The following RTL4 variants were observed in gnomAD, a reference collection of about 807,000 sequenced individuals.
RTL4 encodes retrotransposon Gag like 4.
A neutral mutation model predicts 5.3 loss-of-function variants in RTL4; 4 were observed. That is an observed-to-expected ratio of 0.75 (90% CI 0.37 to 1.72). RTL4 has a LOEUF of 1.72. Ranked by LOEUF, RTL4 falls within the 40% of genes most tolerant of loss-of-function variation. The pLI is 0.04. For synonymous variants in RTL4, 98 were observed against 87.3 expected (o/e 1.12, Z -0.68); for missense variants, 260 against 227.1 (o/e 1.14, Z -0.93).
chrX:112,242,449 T>G, the RTL4 span, among the ~76,000 whole-genome samples: 1 of 111,679 alleles, frequency 9.0e-6, no homozygotes, highest in Admixed American at 9.5e-5. Flanking sequence ...TTTTATTCCC[T>G]TTGTAGCAAT....
chrX:112,217,002 T>C, the RTL4 span, among the ~76,000 whole-genome samples: 1 of 112,407 alleles, frequency 8.9e-6, no homozygotes. Flanking sequence ...TTATCAGCCC[T>C]GAAATCAATG....
At chrX:112,170,983 T>C in the RTL4 span, among the ~76,000 whole-genome samples, 139 of 111,748 alleles carry the variant, frequency 1.2e-3, no homozygotes, top group African/African-American at 4.3e-3. Context: ...AGAAGGCCAC[T>C]TTTGCGTCTA....
the RTL4 span, among the ~76,000 whole-genome samples, chrX:112,404,478 T>A: frequency 8.9e-6 from 1 of 112,048 alleles, no homozygotes; most frequent in Non-Finnish European, 1.9e-5. Flanking sequence ...CTCCGTTTTT[T>A]CTCTTTGCGT....
the RTL4 span, among the ~76,000 whole-genome samples, chrX:112,336,543 G>T: frequency 9.0e-6 from 1 of 111,617 alleles, no homozygotes; most frequent in Non-Finnish European, 1.9e-5. Flanking sequence ...CCTATGTTTT[G>T]CCTAAATTAT....
At chrX:112,337,567 G>A in the RTL4 span, among the ~76,000 whole-genome samples, 6 of 111,589 alleles carry the variant, frequency 5.4e-5, no homozygotes, top group Non-Finnish European at 1.1e-4. Context: ...ACAGGCGTGA[G>A]CCACCGTGCC....
chrX:112,224,104 C>A, the RTL4 span, among the ~76,000 whole-genome samples: 4 of 110,726 alleles, frequency 3.6e-5, no homozygotes, highest in Non-Finnish European at 7.5e-5. Flanking sequence ...ATAATTGGTC[C>A]TTATTGTCAC....
the RTL4 span, among the ~76,000 whole-genome samples, chrX:112,379,722 G>C: frequency 9.0e-6 from 1 of 111,282 alleles, no homozygotes; most frequent in Non-Finnish European, 1.9e-5. Context: ...CTTCTCAGTA[G>C]TTGTTGATAT....
chrX:112,326,505 C>T, the RTL4 span, among the ~76,000 whole-genome samples: 9 of 111,938 alleles, frequency 8.0e-5, no homozygotes, highest in South Asian at 1.1e-3. Flanking sequence ...GAGGGTCCTA[C>T]GCCCACGGAG....
At chrX:112,124,862 A>G in the RTL4 span, among the ~76,000 whole-genome samples, 1 of 111,068 alleles carries the variant, frequency 9.0e-6, no homozygotes, top group Non-Finnish European at 1.9e-5. Context: ...CCCTTGATGT[A>G]TTTTCTTGGA....
the RTL4 span, among the ~76,000 whole-genome samples, chrX:112,111,896 G>A: frequency 8.9e-6 from 1 of 112,000 alleles, no homozygotes; most frequent in Non-Finnish European, 1.9e-5. Context: ...TCCTCTGGGA[G>A]AAAAGTAGCA....
chrX:112,259,857 T>C, the RTL4 span, among the ~76,000 whole-genome samples: 3 of 111,856 alleles, frequency 2.7e-5, no homozygotes, highest in African/African-American at 6.5e-5. Context: ...TCATACCCAC[T>C]CAACACTTTC....
At chrX:112,177,596 C>T in the RTL4 span, among the ~76,000 whole-genome samples, 48 of 108,273 alleles carry the variant, frequency 4.4e-4, no homozygotes, top group African/African-American at 1.6e-3. Context: ...CCTTGTTGGA[C>T]GGGTAGTTTG....
the RTL4 span, among the ~76,000 whole-genome samples, chrX:112,446,245 T>C: frequency 8.9e-6 from 1 of 112,378 alleles, no homozygotes; most frequent in East Asian, 2.8e-4. Context: ...TTTGCATTTG[T>C]TTTATTCTAA....
the RTL4 span, among the ~76,000 whole-genome samples, chrX:112,363,685 A>G: frequency 9.0e-6 from 1 of 111,492 alleles, no homozygotes; most frequent in South Asian, 3.8e-4. Context: ...TTAATTTAAG[A>G]TGCTCCCATT....
the RTL4 span, among the ~76,000 whole-genome samples, chrX:112,111,521 T>A: frequency 8.9e-6 from 1 of 112,333 alleles, no homozygotes. Flanking sequence ...TTAAAGGGGG[T>A]TCCCCCAGAG....
the RTL4 span, among the ~76,000 whole-genome samples, chrX:112,214,987 A>G: frequency 1.8e-5 from 2 of 110,838 alleles, no homozygotes; most frequent in African/African-American, 6.6e-5. Context: ...ACGAGGTTTC[A>G]CCATGTTAGC....
the RTL4 span, among the ~76,000 whole-genome samples, chrX:112,430,242 G>A: frequency 3.7e-5 from 4 of 109,280 alleles, no homozygotes; most frequent in Non-Finnish European, 5.7e-5. Flanking sequence ...GTTTTTTCTC[G>A]GTCTTTTTTC....
rs950086699 is a variant in RTL4 at position 112,456,007 on chromosome X, C to G, written c.*346C>G. 4 of 284,059 alleles carry G rather than the reference C, an allele frequency of 1.4e-5. No homozygotes were observed. The Admixed American group carries it at 2.4e-4, about 17-fold the overall frequency. The allele number at this position is 284,059 out of a possible 1,213,427, so 23.4% of individuals were successfully genotyped here. On this transcript the variant is annotated 3_prime_UTR_variant, in exon 1 of 1. Coordinates refer to ENST00000340433, the Ensembl canonical transcript of RTL4. ...CCTTATCCTGACCAATGGGTGACAT[C>G]TGGGTTGAGTTTGTGTCCCAAATCC... is the stretch of plus-strand genomic sequence containing the variant.
chrX:112,087,462 A>G, the RTL4 span, among the ~76,000 whole-genome samples: 1 of 110,452 alleles, frequency 9.1e-6, no homozygotes, highest in Non-Finnish European at 1.9e-5. Flanking sequence ...CCCCAACTGC[A>G]GATCATGTTT....
Sources: gnomAD v4.1 joint callset for allele counts (sites outside exome capture counted in the v4.1 genomes callset) on GRCh38, gnomAD v4.1.1 for gene constraint, MANE v1.5 for transcripts, NCBI Gene and HGNC (gene_info 2026-07-23, HGNC 2026-07-21) for gene names.